FGF14: variants seen among roughly 807,000 people sequenced by gnomAD.
The protein encoded by FGF14 is fibroblast growth factor homologous factor 4.
In FGF14, 5 loss-of-function variants were observed where a neutral mutation model predicts 25.5. That is an observed-to-expected ratio of 0.20 (90% confidence interval 0.10 to 0.41). The LOEUF (loss-of-function observed/expected upper bound fraction) is 0.41. Ranked by LOEUF, FGF14 falls within the 10% of genes least tolerant of loss-of-function variation. The pLI, the probability that FGF14 is intolerant of heterozygous loss-of-function variation, is 1.00. For missense variants in FGF14, 222 were observed against 320.1 expected (o/e 0.69, Z 2.34); for synonymous variants, 138 against 118.3 (o/e 1.17, Z -1.08).
At chr13:102,136,160 TAAC>T (rs1177823303) in intron 1 of FGF14, among the ~76,000 whole-genome samples, 3 of 152,246 alleles carry the variant, frequency 2.0e-5, no homozygotes, top group South Asian at 2.1e-4. Flanking sequence ...TTTTACACCT[TAAC>T]AATAAAAATA....
intron 1 of FGF14, among the ~76,000 whole-genome samples, chr13:102,139,771 TTCAGCAGC>T (rs1229215855): frequency 1.1e-5 from 1 of 88,462 alleles, no homozygotes; most frequent in Non-Finnish European, 2.3e-5. Context: ...CCAAGAAGCT[TTCAGCAGC>T]TTTCAGCAGC....
intron 1 of FGF14, among the ~76,000 whole-genome samples, chr13:101,997,689 T>G (rs2039259187): frequency 6.6e-6 from 1 of 152,124 alleles, no homozygotes; most frequent in Non-Finnish European, 1.5e-5. Context: ...CATTACAAGC[T>G]ATAACATAAT....
chr13:102,153,390 G>A (rs2047177060), intron 1 of FGF14, among the ~76,000 whole-genome samples: 1 of 152,188 alleles, frequency 6.6e-6, no homozygotes, highest in African/African-American at 2.4e-5. Context: ...GGCTCATGAA[G>A]TCTGGCTTAT....
At chr13:101,754,808 C>A (rs2037536617) in intron 3 of FGF14, among the ~76,000 whole-genome samples, 3 of 151,982 alleles carry the variant, frequency 2.0e-5, no homozygotes, top group African/African-American at 7.2e-5. Flanking sequence ...AATGGAGAAT[C>A]TGAAAATCCA....
chr13:101,740,436 C>T (rs2036474038), intron 3 of FGF14, among the ~76,000 whole-genome samples: 2 of 152,072 alleles, frequency 1.3e-5, no homozygotes, highest in African/African-American at 2.4e-5. Flanking sequence ...AAGAAAAAAA[C>T]ATAACAGTTG....
chr13:102,312,064 G>A (rs1196343511), intron 1 of FGF14, among the ~76,000 whole-genome samples: 4 of 152,102 alleles, frequency 2.6e-5, no homozygotes, highest in Non-Finnish European at 5.9e-5. Flanking sequence ...ACTGCTTGAC[G>A]TTTGGTATGT....
At chr13:101,845,376 A>T (rs776540064) in intron 3 of FGF14, among the ~76,000 whole-genome samples, 1 of 152,062 alleles carries the variant, frequency 6.6e-6, no homozygotes, top group Non-Finnish European at 1.5e-5. Context: ...TCCTCTAATT[A>T]TAACAGCTGG....
At chr13:102,003,816 A>G (rs1420939141) in intron 1 of FGF14, among the ~76,000 whole-genome samples, 1 of 152,126 alleles carries the variant, frequency 6.6e-6, no homozygotes, top group Non-Finnish European at 1.5e-5. Context: ...GAACTAGTGG[A>G]TATTTTAAAT....
intron 1 of FGF14, among the ~76,000 whole-genome samples, chr13:102,013,402 G>A (rs146661083): frequency 1.3e-5 from 2 of 152,288 alleles, no homozygotes; most frequent in East Asian, 3.9e-4. Context: ...CTGATTGCAT[G>A]TATTACAGTT....
chr13:101,967,269 A>T (rs1253751727), intron 1 of FGF14, among the ~76,000 whole-genome samples: 1 of 152,222 alleles, frequency 6.6e-6, no homozygotes, highest in Non-Finnish European at 1.5e-5. Flanking sequence ...CTATTGAGTC[A>T]GAATGTCTAA....
At chr13:101,879,978 C>T (rs2045609619) in intron 1 of FGF14, among the ~76,000 whole-genome samples, 1 of 152,100 alleles carries the variant, frequency 6.6e-6, no homozygotes. Context: ...GATAGGGACA[C>T]TAAGGAAAAT....
intron 3 of FGF14, among the ~76,000 whole-genome samples, chr13:101,740,746 G>A (rs1264146887): frequency 6.6e-6 from 1 of 151,906 alleles, no homozygotes; most frequent in African/African-American, 2.4e-5. Flanking sequence ...AATATCTATA[G>A]GGTAATTTTC....
intron 1 of FGF14, among the ~76,000 whole-genome samples, chr13:102,339,140 T>A (rs148174484): frequency 6.6e-6 from 1 of 152,074 alleles, no homozygotes; most frequent in Non-Finnish European, 1.5e-5. Context: ...CACCCCGTTT[T>A]CCATGATGTG....
At chr13:102,395,967 A>C (rs1442927002) in intron 1 of FGF14, among the ~76,000 whole-genome samples, 1 of 152,206 alleles carries the variant, frequency 6.6e-6, no homozygotes, top group Non-Finnish European at 1.5e-5. Context: ...GCAGCTAGAG[A>C]ACTACACAGG....
At chr13:102,382,008 C>A (rs1320900018) in intron 1 of FGF14, among the ~76,000 whole-genome samples, 1 of 152,126 alleles carries the variant, frequency 6.6e-6, no homozygotes, top group Admixed American at 6.6e-5. Context: ...AAACAGATCA[C>A]AGACCTATAT....
chr13:102,395,744 C>T (rs1279852842), intron 1 of FGF14: 2 of 152,210 alleles, frequency 1.3e-5, no homozygotes, highest in Admixed American at 6.5e-5. Flanking sequence ...GAGACAGTGA[C>T]AAAGGCAGTG....
At chr13:102,118,547 A>T (rs2045575965) in intron 1 of FGF14, among the ~76,000 whole-genome samples, 2 of 152,136 alleles carry the variant, frequency 1.3e-5, no homozygotes, top group African/African-American at 2.4e-5. Flanking sequence ...CCTGAGACAT[A>T]TTGTGCCAGA....
In FGF14 at chr13:102,205,984, T is replaced by TAAAAAA. The variant is rs36108366; in HGVS notation, c.208+195481_208+195486dup. On this transcript the variant is annotated intron_variant, in intron 1 of 4. Transcript: ENST00000376131. ...AGGTAGCTCAAGAAGCTCCCTGTGG[T>TAAAAAA]AAAAAAAAAAAAAAAAAAAAAAAAA... Among the ~76,000 whole-genome samples, 14 of 47,462 alleles carry TAAAAAA rather than the reference T, an allele frequency of 2.9e-4. 1 individual carries two copies. The highest frequency in any genetic ancestry group is 9.4e-4 in the East Asian group (1 of 1,060). The allele number at this position is 47,462 out of a possible 152,430, so 31.1% of individuals were successfully genotyped here. A position where few individuals can be genotyped will look rare whatever the true frequency, so the allele number is the denominator to read the frequency against.
At chr13:102,154,062 C>T (rs1566752453) in intron 1 of FGF14, among the ~76,000 whole-genome samples, 1 of 152,132 alleles carries the variant, frequency 6.6e-6, no homozygotes, top group Non-Finnish European at 1.5e-5. Flanking sequence ...AGCTCGTATT[C>T]TATATGGTAT....
Sources: allele counts gnomAD v4.1 joint callset (sites outside exome capture counted in the v4.1 genomes callset), GRCh38; gene constraint gnomAD v4.1.1; transcripts MANE v1.5; gene names NCBI Gene and HGNC (gene_info 2026-07-23, HGNC 2026-07-21).